CDH13: variants seen among roughly 807,000 people sequenced by gnomAD.
CDH13 encodes cadherin-13.
A neutral mutation model predicts 63.8 loss-of-function variants in CDH13; 24 were observed. The observed-to-expected ratio is 0.38, with a 90% confidence interval of 0.27 to 0.53. The LOEUF (loss-of-function observed/expected upper bound fraction) is 0.53. Among genes scored for constraint, CDH13 ranks in the 20% least tolerant of loss-of-function variants. The probability of loss-of-function intolerance (pLI) is 0.85; values close to 1 mark genes in which losing one functional copy is unlikely to be tolerated. For synonymous variants in CDH13, 503 were observed against 355.3 expected, an observed-to-expected ratio of 1.42 and a Z score of -4.67; for missense variants, 1,049 against 903.1, an observed-to-expected ratio of 1.16 and a Z score of -2.07.
At chr16:83,582,238 G>C (rs552383203) in intron 7 of CDH13, among the ~76,000 whole-genome samples, 1 of 152,106 alleles carries the variant, frequency 6.6e-6, no homozygotes, top group Non-Finnish European at 1.5e-5. Flanking sequence ...AGTTGGTCTT[G>C]CTTTACGCAG....
intron 5 of CDH13, among the ~76,000 whole-genome samples, chr16:83,236,571 C>T (rs1160487634): frequency 6.6e-6 from 1 of 152,134 alleles, no homozygotes; most frequent in Non-Finnish European, 1.5e-5. Context: ...TCCTAAAATG[C>T]TGCAAGGCTA....
At chr16:83,069,599 GTTAC>G (rs1159061366) in intron 3 of CDH13, among the ~76,000 whole-genome samples, 2 of 152,118 alleles carry the variant, frequency 1.3e-5, no homozygotes, top group Non-Finnish European at 2.9e-5. Flanking sequence ...CAGGAAATGT[GTTAC>G]TAGAATCTTA....
In CDH13 at chr16:83,032,228, C is replaced by A; in HGVS notation, c.366+10C>A. The A allele has an allele frequency of 6.2e-7, 1 of 1,609,152 alleles. No individual in the cohort carries two copies. The highest frequency in any genetic ancestry group is 2.2e-5 in the East Asian group (1 of 44,736). ...CCAGGGCTCCTTGCAGGTAACACAT[C>A]TGTTTGAGATAACTTGGGTTCAAGG... On this transcript the variant is annotated intron_variant, in intron 3 of 13. Coordinates refer to ENST00000567109, the MANE Select transcript of CDH13 (RefSeq NM_001257.5).
At chr16:83,003,971 T>G (rs1245494943) in intron 2 of CDH13, among the ~76,000 whole-genome samples, 1 of 152,210 alleles carries the variant, frequency 6.6e-6, no homozygotes, top group Non-Finnish European at 1.5e-5. Flanking sequence ...CCTTATCGTA[T>G]TAACAAAGGA....
At chr16:82,850,785 G>A (rs975784679) in intron 1 of CDH13, among the ~76,000 whole-genome samples, 1 of 152,148 alleles carries the variant, frequency 6.6e-6, no homozygotes, top group African/African-American at 2.4e-5. Context: ...ATGGAGGCAA[G>A]ACCCTCACCA....
At chr16:82,932,061 G>A (rs1342037530) in intron 2 of CDH13, among the ~76,000 whole-genome samples, 1 of 152,162 alleles carries the variant, frequency 6.6e-6, no homozygotes, top group Non-Finnish European at 1.5e-5. Context: ...TAGTTAGTGG[G>A]AAGAATGTGG....
At chr16:83,344,338 G>A (rs936831668) in intron 5 of CDH13, among the ~76,000 whole-genome samples, 3 of 152,210 alleles carry the variant, frequency 2.0e-5, no homozygotes, top group African/African-American at 4.8e-5. Flanking sequence ...CTGGTGGGCA[G>A]GAATCCCGAG....
At chr16:83,116,121 G>A (rs913444711) in intron 3 of CDH13, among the ~76,000 whole-genome samples, 11 of 152,184 alleles carry the variant, frequency 7.2e-5, no homozygotes, top group Admixed American at 1.3e-4. Flanking sequence ...CTTGGAGTGC[G>A]GTCCCAGCTG....
At chr16:82,818,819 G>A (rs2037855040) in intron 1 of CDH13, among the ~76,000 whole-genome samples, 1 of 152,156 alleles carries the variant, frequency 6.6e-6, no homozygotes. Flanking sequence ...TCATATGTCT[G>A]CATACAAACA....
intron 1 of CDH13, among the ~76,000 whole-genome samples, chr16:82,809,024 G>C (rs2037303395): frequency 1.3e-5 from 2 of 151,998 alleles, no homozygotes; most frequent in Admixed American, 6.6e-5. Flanking sequence ...TTATATATAT[G>C]ATTGTGAACA....
At chr16:82,997,053 A>G (rs1239838293) in intron 2 of CDH13, among the ~76,000 whole-genome samples, 2 of 126,254 alleles carry the variant, frequency 1.6e-5, no homozygotes, top group African/African-American at 3.3e-5. Context: ...GATGATGATG[A>G]TAGTGATGGT....
At chr16:83,575,135 C>T (rs577815520) in intron 7 of CDH13, among the ~76,000 whole-genome samples, 20 of 152,132 alleles carry the variant, frequency 1.3e-4, no homozygotes, top group South Asian at 2.1e-4. Context: ...AACTTTGTTC[C>T]GGCAGCCATG....
intron 3 of CDH13, among the ~76,000 whole-genome samples, chr16:83,041,104 A>G (rs1328718272): frequency 6.6e-6 from 1 of 152,218 alleles, no homozygotes; most frequent in Non-Finnish European, 1.5e-5. Context: ...TTAAAAGTTC[A>G]TTATGAACAA....
chr16:83,447,272 G>T (rs187514165), intron 6 of CDH13, among the ~76,000 whole-genome samples: 1 of 151,356 alleles, frequency 6.6e-6, no homozygotes, highest in East Asian at 1.9e-4. Context: ...AAAATTAGCC[G>T]GGCGTGGTGG....
rs142191035 is a variant in CDH13, at chr16:83,552,319, T to C, written c.961-50135T>C. On this transcript the variant is annotated intron_variant, in intron 7 of 13. Coordinates refer to ENST00000567109, the MANE Select transcript of CDH13 (RefSeq NM_001257.5). ...AGGCCAGAACCCAGCTGCTTATGTC[T>C]AAAGCCATTATCTTACCAGGAAATG... Among the ~76,000 whole-genome samples, 6 of 152,296 alleles carry C rather than the reference T, an allele frequency of 3.9e-5. No individual in the cohort carries two copies. The South Asian group carries it at 1.2e-3, about 32-fold the overall frequency.
intron 11 of CDH13, among the ~76,000 whole-genome samples, chr16:83,770,375 C>T (rs536389108): frequency 6.6e-6 from 1 of 152,232 alleles, no homozygotes; most frequent in East Asian, 1.9e-4. Flanking sequence ...ATAGAATAGC[C>T]AGAAAGCTCC....
intron 8 of CDH13, among the ~76,000 whole-genome samples, chr16:83,632,281 TGAAA>T (rs1567469299): frequency 2.8e-3 from 9 of 3,224 alleles, no homozygotes; most frequent in Admixed American, 0.022. Flanking sequence ...TGTCCTACAG[TGAAA>T]TTAGAGATGA....
At chr16:83,462,910 C>T (rs558125901) in intron 6 of CDH13, among the ~76,000 whole-genome samples, 10 of 152,204 alleles carry the variant, frequency 6.6e-5, no homozygotes, top group African/African-American at 2.2e-4. Flanking sequence ...GGCCTCTGAG[C>T]CATTGGGAAT....
intron 3 of CDH13, among the ~76,000 whole-genome samples, chr16:83,038,686 T>C (rs1597199954): frequency 6.6e-6 from 1 of 152,216 alleles, no homozygotes; most frequent in East Asian, 1.9e-4. Flanking sequence ...GTGTTCGCCT[T>C]GTATGTAGTT....
Sources: gnomAD v4.1 joint callset for allele counts (sites outside exome capture counted in the v4.1 genomes callset) on GRCh38, gnomAD v4.1.1 for gene constraint, MANE v1.5 for transcripts, NCBI Gene and HGNC (gene_info 2026-07-23, HGNC 2026-07-21) for gene names.